The following KHDRBS2 variants were observed in gnomAD, a reference collection of about 807,000 sequenced individuals.
The protein encoded by KHDRBS2 is KH RNA binding domain containing, signal transduction associated 2.
Under a neutral mutation model 44.3 loss-of-function variants are expected in KHDRBS2, and 26 were observed. The ratio of observed to expected loss-of-function variants is 0.59; its 90% CI spans 0.43 to 0.81. The LOEUF (loss-of-function observed/expected upper bound fraction) is 0.81. Ranked by LOEUF, KHDRBS2 falls within the 40% of genes least tolerant of loss-of-function variation. The pLI is 0.00. For missense variants in KHDRBS2, 476 were observed against 433.1 expected, an observed-to-expected ratio of 1.10 and a Z score of -0.88; for synonymous variants, 194 against 151.1, an observed-to-expected ratio of 1.28 and a Z score of -2.08.
chr6:62,206,141 A>C (rs1827924945), intron 1 of KHDRBS2, among the ~76,000 whole-genome samples: 1 of 152,164 alleles, frequency 6.6e-6, no homozygotes, highest in Non-Finnish European at 1.5e-5. Flanking sequence ...ACAACAGAGA[A>C]CCTCACTAAA....
At chr6:61,916,421 A>G (rs932909566) in intron 4 of KHDRBS2, among the ~76,000 whole-genome samples, 2 of 150,616 alleles carry the variant, frequency 1.3e-5, no homozygotes, top group Non-Finnish European at 3.0e-5. Context: ...TGGTATATTT[A>G]TACATATATA....
At chr6:61,572,060 T>C in the KHDRBS2 span, among the ~76,000 whole-genome samples, 1 of 152,042 alleles carries the variant, frequency 6.6e-6, no homozygotes, top group East Asian at 1.9e-4. Flanking sequence ...ACCAAATTGA[T>C]AGATCATCAG....
intron 6 of KHDRBS2, among the ~76,000 whole-genome samples, chr6:61,748,782 T>G (rs1777217780): frequency 6.6e-6 from 1 of 152,046 alleles, no homozygotes; most frequent in East Asian, 1.9e-4. Flanking sequence ...TCCTGTTATG[T>G]ATCACATTTG....
intron 4 of KHDRBS2, among the ~76,000 whole-genome samples, chr6:61,950,497 T>A (rs1007731461): frequency 1.3e-5 from 2 of 151,980 alleles, no homozygotes; most frequent in Non-Finnish European, 2.9e-5. Context: ...GATGAATCAA[T>A]GATGTTGATA....
At chr6:62,003,854 T>G (rs186944612) in intron 3 of KHDRBS2, among the ~76,000 whole-genome samples, 33 of 151,096 alleles carry the variant, frequency 2.2e-4, no homozygotes, top group Admixed American at 1.7e-3. Flanking sequence ...AACTCAGGAT[T>G]AAAACCACAC....
intron 6 of KHDRBS2, among the ~76,000 whole-genome samples, chr6:61,821,800 C>T (rs541937938): frequency 2.6e-5 from 4 of 151,216 alleles, no homozygotes; most frequent in African/African-American, 9.7e-5. Flanking sequence ...TTTTTTTTTC[C>T]ATTAGAGACC....
chr6:62,093,927 T>C (rs1800016900), intron 2 of KHDRBS2, among the ~76,000 whole-genome samples: 1 of 151,328 alleles, frequency 6.6e-6, no homozygotes. Context: ...CATCCACTGA[T>C]AGACATTTAT....
chr6:61,862,185 T>C (rs898667530), intron 6 of KHDRBS2, among the ~76,000 whole-genome samples: 1 of 152,138 alleles, frequency 6.6e-6, no homozygotes, highest in South Asian at 2.1e-4. Flanking sequence ...TAAGCAAAGA[T>C]AGTTTGACTT....
At chr6:61,612,620 T>C in the KHDRBS2 span, among the ~76,000 whole-genome samples, 1 of 152,228 alleles carries the variant, frequency 6.6e-6, no homozygotes, top group African/African-American at 2.4e-5. Context: ...CTATTATTTA[T>C]TGAGCAACTA....
At chr6:61,891,623 C>A (rs532684382) in intron 6 of KHDRBS2, among the ~76,000 whole-genome samples, 26 of 152,242 alleles carry the variant, frequency 1.7e-4, no homozygotes, top group African/African-American at 6.3e-4. Context: ...CATAACCCAG[C>A]ATATAAACAG....
At chr6:61,922,680 A>G (rs1320148060) in intron 4 of KHDRBS2, among the ~76,000 whole-genome samples, 1 of 152,080 alleles carries the variant, frequency 6.6e-6, no homozygotes, top group Non-Finnish European at 1.5e-5. Context: ...AAGATCTTGC[A>G]TCAGTGATAG....
At chr6:62,096,342 G>T (rs1426590319) in intron 2 of KHDRBS2, among the ~76,000 whole-genome samples, 1 of 151,842 alleles carries the variant, frequency 6.6e-6, no homozygotes, top group Non-Finnish European at 1.5e-5. Context: ...CAGCAGTGAA[G>T]CCTTCTGGTC....
intron 2 of KHDRBS2, among the ~76,000 whole-genome samples, chr6:62,092,922 T>C (rs1799751506): frequency 6.6e-6 from 1 of 152,028 alleles, no homozygotes; most frequent in African/African-American, 2.4e-5. Context: ...CCATCAAGAA[T>C]CATCAGACAG....
the KHDRBS2 span, among the ~76,000 whole-genome samples, chr6:61,672,663 C>T: frequency 6.6e-6 from 1 of 152,040 alleles, no homozygotes; most frequent in East Asian, 1.9e-4. Flanking sequence ...AGTGTCTGTT[C>T]ATGTCCTTTG....
At chr6:62,156,024 T>C (rs1816301681) in intron 2 of KHDRBS2, among the ~76,000 whole-genome samples, 1 of 152,202 alleles carries the variant, frequency 6.6e-6, no homozygotes, top group African/African-American at 2.4e-5. Flanking sequence ...AATACATTGT[T>C]TGGCAGCCAC....
intron 6 of KHDRBS2, among the ~76,000 whole-genome samples, chr6:61,806,752 A>C (rs1014493529): frequency 2.0e-5 from 3 of 152,058 alleles, no homozygotes; most frequent in Non-Finnish European, 2.9e-5. Flanking sequence ...TTCAAAAAAA[A>C]GGCCTAATTT....
the KHDRBS2 span, among the ~76,000 whole-genome samples, chr6:61,648,623 T>C: frequency 2.6e-5 from 4 of 152,132 alleles, no homozygotes; most frequent in African/African-American, 9.7e-5. Flanking sequence ...CTTTCAATAA[T>C]ATGTGGCAAA....
At chr6:61,855,981 C>T (rs548179787) in intron 6 of KHDRBS2, among the ~76,000 whole-genome samples, 2 of 152,034 alleles carry the variant, frequency 1.3e-5, no homozygotes, top group Non-Finnish European at 2.9e-5. Context: ...TTAGGCTCTG[C>T]TTTTGTCATA....
In KHDRBS2 at chr6:62,169,184, T is replaced by TATATGTATAA. The variant is rs1819457120; in HGVS notation, c.219+8000_219+8001insTTATACATAT. On this transcript the variant is annotated intron_variant, in intron 2 of 8. Transcript: ENST00000281156. ...GTACACATATATGTATATATGTATA[T>TATATGTATAA]ATACGTATACATATATGTATATATA... Among the ~76,000 whole-genome samples, 5 of 146,426 alleles carry TATATGTATAA rather than the reference T, an allele frequency of 3.4e-5. No individual in the cohort carries two copies. In the South Asian group the frequency reaches 1.1e-3, roughly 31 times the overall value.
Sources: gnomAD v4.1 joint callset for allele counts (sites outside exome capture counted in the v4.1 genomes callset) on GRCh38, gnomAD v4.1.1 for gene constraint, MANE v1.5 for transcripts, NCBI Gene and HGNC (gene_info 2026-07-23, HGNC 2026-07-21) for gene names.